Variants in POPDC1 observed in about 807,000 individuals in gnomAD.
POPDC1 encodes popeye domain cAMP effector 1.
the POPDC1 span, among the ~76,000 whole-genome samples, chr6:105,118,222 C>T: frequency 6.6e-6 from 1 of 152,152 alleles, no homozygotes; most frequent in Non-Finnish European, 1.5e-5. Context: ...TTTCAGAGGA[C>T]AAGGGGATAT....
chr6:105,129,357 A>T, the POPDC1 span: 1 of 1,566,462 alleles, frequency 6.4e-7, no homozygotes, highest in Non-Finnish European at 8.7e-7. Context: ...TCACTTCCTT[A>T]TTAATTAATT....
chr6:105,133,705 T>C, the POPDC1 span: 1 of 678,486 alleles, frequency 1.5e-6, no homozygotes, highest in East Asian at 2.7e-5. Flanking sequence ...CTAGTGCTTA[T>C]GAATTAGACA....
the POPDC1 span, among the ~76,000 whole-genome samples, chr6:105,103,932 G>T: frequency 7.2e-5 from 11 of 152,184 alleles, no homozygotes; most frequent in African/African-American, 2.2e-4. Flanking sequence ...TTCTGTGAAA[G>T]AATTTATTCT....
the POPDC1 span, among the ~76,000 whole-genome samples, chr6:105,114,806 C>A: frequency 6.6e-6 from 1 of 152,184 alleles, no homozygotes; most frequent in East Asian, 1.9e-4. Context: ...TCTTGGCAGG[C>A]GTGTGAATGA....
chr6:105,121,268 CTT>C, the POPDC1 span, among the ~76,000 whole-genome samples: 1,471 of 142,518 alleles, frequency 0.01, 28 homozygotes, highest in African/African-American at 0.035. Context: ...CTACTTTTAT[CTT>C]TTTTTTTTTT....
the POPDC1 span, among the ~76,000 whole-genome samples, chr6:105,127,509 G>A: frequency 6.6e-6 from 1 of 152,180 alleles, no homozygotes; most frequent in Non-Finnish European, 1.5e-5. Flanking sequence ...CTGGAGTGCA[G>A]TGGTGTGATC....
At chr6:105,125,244 T>G in the POPDC1 span, 4 of 875,756 alleles carry the variant, frequency 4.6e-6, no homozygotes, top group South Asian at 6.6e-5. Context: ...TTGTAAAGTA[T>G]AGTTGTAGCA....
the POPDC1 span, among the ~76,000 whole-genome samples, chr6:105,134,232 T>C: frequency 6.6e-6 from 1 of 152,090 alleles, no homozygotes; most frequent in African/African-American, 2.4e-5. Context: ...ACTTTTATTG[T>C]CTTATTTAAA....
the POPDC1 span, chr6:105,116,664 ATATT>A: frequency 1.3e-6 from 2 of 1,497,760 alleles, no homozygotes; most frequent in Non-Finnish European, 1.8e-6. Context: ...CCTCATATAC[ATATT>A]TATTTAACAA....
chr6:105,123,461 C>T, the POPDC1 span, among the ~76,000 whole-genome samples: 1 of 151,850 alleles, frequency 6.6e-6, no homozygotes, highest in African/African-American at 2.4e-5. Flanking sequence ...AGTGCAGTGG[C>T]GTGATCTTGG....
At chr6:105,124,398 A>C in the POPDC1 span, 1 of 572,160 alleles carries the variant, frequency 1.7e-6, no homozygotes, top group East Asian at 3.2e-5. Flanking sequence ...AAAAAAAAAA[A>C]AAAAAAAAAA....
chr6:105,110,489 A>T, the POPDC1 span, among the ~76,000 whole-genome samples: 8 of 152,218 alleles, frequency 5.3e-5, no homozygotes, highest in Non-Finnish European at 7.3e-5. Context: ...TGAGCTGAAC[A>T]GATTATTTCA....
chr6:105,110,548 T>C, the POPDC1 span, among the ~76,000 whole-genome samples: 1 of 152,200 alleles, frequency 6.6e-6, no homozygotes, highest in Admixed American at 6.5e-5. Flanking sequence ...TTTGCGTCTT[T>C]CCAGGTAAAT....
chr6:105,111,993 A>T, the POPDC1 span, among the ~76,000 whole-genome samples: 1 of 152,184 alleles, frequency 6.6e-6, no homozygotes, highest in Non-Finnish European at 1.5e-5. Context: ...AATCACCACC[A>T]TGGGGATGAA....
At chr6:105,117,992 A>G in the POPDC1 span, among the ~76,000 whole-genome samples, 1 of 152,174 alleles carries the variant, frequency 6.6e-6, no homozygotes, top group Non-Finnish European at 1.5e-5. Context: ...GGTTGCAGCG[A>G]GCCATGATCA....
the POPDC1 span, among the ~76,000 whole-genome samples, chr6:105,116,156 T>C: frequency 6.6e-6 from 1 of 152,172 alleles, no homozygotes; most frequent in Non-Finnish European, 1.5e-5. Flanking sequence ...TAACAGTACT[T>C]ATCACAGAAA....
At chr6:105,124,239 G>A in the POPDC1 span, among the ~76,000 whole-genome samples, 3 of 151,936 alleles carry the variant, frequency 2.0e-5, no homozygotes, top group African/African-American at 4.8e-5. Flanking sequence ...AAAATTAGCC[G>A]GGGGTGGTGG....
chr6:105,097,181 C>T, the POPDC1 span: 7 of 152,192 alleles, frequency 4.6e-5, 1 homozygote, highest in East Asian at 1.2e-3. Flanking sequence ...TGAGCAGAAC[C>T]GAAGCAGTGA....
At chr6:105,103,118 A>T in the POPDC1 span, among the ~76,000 whole-genome samples, 2 of 152,160 alleles carry the variant, frequency 1.3e-5, no homozygotes, top group Non-Finnish European at 2.9e-5. Context: ...AATGAATTCT[A>T]TCTGTGCGAC....
Sources: allele counts gnomAD v4.1 joint callset (sites outside exome capture counted in the v4.1 genomes callset), GRCh38; gene constraint gnomAD v4.1.1; transcripts MANE v1.5; gene names NCBI Gene and HGNC (gene_info 2026-07-23, HGNC 2026-07-21).